PLEKHA7: variants seen among roughly 807,000 people sequenced by gnomAD.
PLEKHA7 encodes the protein pleckstrin homology domain-containing family A member 7.
PLEKHA7 carries 104 observed loss-of-function variants against 170.0 expected under a neutral mutation model. The ratio of observed to expected loss-of-function variants is 0.61; its 90% CI spans 0.52 to 0.72. The LOEUF is 0.72. Among genes scored for constraint, PLEKHA7 ranks in the 30% least tolerant of loss-of-function variants. The pLI, the probability that PLEKHA7 is intolerant of heterozygous loss-of-function variation, is 0.00. For missense variants in PLEKHA7, 1,615 were observed against 1,671.7 expected (o/e 0.97, Z 0.59); for synonymous variants, 648 against 660.8 (o/e 0.98, Z 0.30).
chr11:16,813,776 G>A (rs1333936770), intron 12 of PLEKHA7, among the ~76,000 whole-genome samples: 2 of 152,216 alleles, frequency 1.3e-5, no homozygotes, highest in Non-Finnish European at 1.5e-5. Context: ...GGAGCTACCT[G>A]AGGCAGGTGC....
chr11:16,896,284 C>T (rs921050842), intron 3 of PLEKHA7, among the ~76,000 whole-genome samples: 1 of 152,196 alleles, frequency 6.6e-6, no homozygotes, highest in African/African-American at 2.4e-5. Context: ...GTGAAGGTCA[C>T]CAAGGAGCAC....
intron 3 of PLEKHA7, among the ~76,000 whole-genome samples, chr11:16,987,745 C>T (rs970310338): frequency 5.9e-5 from 9 of 152,188 alleles, no homozygotes; most frequent in Non-Finnish European, 1.3e-4. Context: ...ACTTTCCCCA[C>T]GAAGGCTTCC....
rs1344999977 is a variant in PLEKHA7 at position 16,786,373 on chromosome 11, C to T, written c.3372G>A (p.Gln1124=). 1 of 1,536,166 alleles carries T rather than the reference C, an allele frequency of 6.5e-7. No homozygotes were observed. Among genetic ancestry groups the T allele is most frequent in the African/African-American group, 1.4e-5 (1 of 73,162 alleles). Residue 1124 remains glutamine (Q), a synonymous_variant, in exon 24 of 27, where the codon CAG becomes CAA. Transcript: ENST00000531066. The part of the protein sequence containing the change: ...PGDLGSWKRE[Q]DFDLQLLERV... ...GTTCCAGCAACTGCAGGTCAAAGTC[C>T]TGCTCACGCTTCCACTGGCAACAGA...
Position 16,871,082 on chromosome 11 carries a change from T to C in PLEKHA7, c.305+17A>G, listed in dbSNP as rs746488164. Reference sequence around the variant, plus strand: ...CCATACTCTGCCCAGATAAGGAGAATACATAAAAAGACTTACTCTTCTTGA... The same window carrying C: ...CCATACTCTGCCCAGATAAGGAGAACACATAAAAAGACTTACTCTTCTTGA... On this transcript the variant is annotated intron_variant, in intron 4 of 26. Transcript: ENST00000531066. The C allele has an allele frequency of 7.1e-6, 11 of 1,554,146 alleles. No individual in the cohort carries two copies. In the African/African-American group the frequency reaches 1.4e-4, roughly 19 times the overall value.
intron 3 of PLEKHA7, among the ~76,000 whole-genome samples, chr11:16,945,471 G>A (rs1290202706): frequency 6.6e-6 from 1 of 152,140 alleles, no homozygotes; most frequent in Non-Finnish European, 1.5e-5. Flanking sequence ...AAAAGACTGA[G>A]AGTTCCTTAA....
rs1014160291 is a variant in PLEKHA7 at position 16,992,663 on chromosome 11, G to A, written c.221+21326C>T. Reference sequence around the variant, plus strand: ...CCCAGCTACATGGGAGGCAGAGGCAGGAGAATCACTTGAACCCAGGAGGCG... The same window carrying A: ...CCCAGCTACATGGGAGGCAGAGGCAAGAGAATCACTTGAACCCAGGAGGCG... On this transcript the variant is annotated intron_variant, in intron 3 of 26. Coordinates refer to ENST00000531066, the MANE Select transcript of PLEKHA7 (RefSeq NM_001329630.2). Among the ~76,000 whole-genome samples, 4 of 151,878 alleles carry A rather than the reference G, an allele frequency of 2.6e-5. No individual in the cohort carries two copies. The East Asian group carries it at 5.8e-4, about 22-fold the overall frequency.
intron 3 of PLEKHA7, among the ~76,000 whole-genome samples, chr11:16,879,225 C>T (rs1488767118): frequency 6.6e-6 from 1 of 152,174 alleles, no homozygotes; most frequent in Non-Finnish European, 1.5e-5. Flanking sequence ...TCCTCCCTGT[C>T]CCCTCCCTTC....
At chr11:17,014,096 C>T (rs1865511828) in intron 2 of PLEKHA7, 29 bp downstream of exon 2, 1 of 1,586,394 alleles carries the variant, frequency 6.3e-7, no homozygotes. Context: ...CCGCTGCGCG[C>T]GCCCCCCACC....
At chr11:16,944,891 T>C (rs1181495796) in intron 3 of PLEKHA7, among the ~76,000 whole-genome samples, 2 of 152,254 alleles carry the variant, frequency 1.3e-5, no homozygotes, top group East Asian at 3.8e-4. Flanking sequence ...AACAATCTTA[T>C]GAAGTTCATG....
Position 16,794,550 on chromosome 11 carries a change from G to A in PLEKHA7, c.2683C>T (p.Pro895Ser). 1 of 1,613,920 alleles carries A rather than the reference G, an allele frequency of 6.2e-7. No homozygotes were observed. The highest frequency in any genetic ancestry group is 1.7e-5 in the Admixed American group (1 of 60,000). ...LQTYVPYRPH[P>S]PQLRKVTSPL... ...GATGTCACTTTCCTCAGCTGGGGTG[G>A]GTGAGGTCGGTACGGCACGTAGGTT... Residue 895 changes from proline (P) to serine (S), a missense_variant, in exon 19 of 27, where the codon CCA becomes TCA. Pro to Ser is a moderately conservative substitution (Grantham distance 74). Transcript: ENST00000531066.
chr11:16,838,411 G>A (rs1263078278), intron 9 of PLEKHA7, among the ~76,000 whole-genome samples: 1 of 151,858 alleles, frequency 6.6e-6, no homozygotes, highest in Non-Finnish European at 1.5e-5. Flanking sequence ...TACTAGGGAG[G>A]CTGACATGGG....
rs1841483299 is a variant in PLEKHA7, at chr11:16,841,714, G to A, written c.705C>T (p.His235=). 6.2e-7 allele frequency: 1 copy of A among 1,613,870 alleles called. No homozygotes were observed. The highest frequency in any genetic ancestry group is 8.5e-7 in the Non-Finnish European group (1 of 1,179,940). The part of the protein sequence containing the change: ...ISRKYSFKAV[H]TGMRALIYNS... The stretch of plus-strand genomic sequence containing the variant: ...TATAGATGAGCGCTCGCATCCCCGT[G>A]TGCACAGCCTGTAGCATGAAGGCAG... The change falls in exon 9 of 27, where the codon CAC becomes CAT. Residue 235 remains histidine, a synonymous_variant. Coordinates refer to ENST00000531066, the MANE Select transcript of PLEKHA7 (RefSeq NM_001329630.2).
chr11:16,886,733 C>T (rs61882032), intron 3 of PLEKHA7, among the ~76,000 whole-genome samples: 1,506 of 150,038 alleles, frequency 0.01, 15 homozygotes, highest in South Asian at 0.032. Flanking sequence ...AAAAAAAGCC[C>T]ACAATTACTA....
chr11:16,982,636 C>A (rs1863498906), intron 3 of PLEKHA7, among the ~76,000 whole-genome samples: 1 of 152,118 alleles, frequency 6.6e-6, no homozygotes, highest in Admixed American at 6.5e-5. Flanking sequence ...CCCAAACAAA[C>A]CAGTTCTAAA....
Position 16,786,345 on chromosome 11 carries a change from C to T in PLEKHA7, c.3400G>A (p.Val1134Ile). 1 of 1,536,160 alleles carries T rather than the reference C, an allele frequency of 6.5e-7. No individual in the cohort carries two copies. Among genetic ancestry groups the T allele is most frequent in the Non-Finnish European group, 8.7e-7 (1 of 1,146,908 alleles). Reference sequence around the variant, plus strand: ...TTGTCCTTTTTTTCCCCTTGCACGACCCGTTCCAGCAACTGCAGGTCAAAG... The same window carrying T: ...TTGTCCTTTTTTTCCCCTTGCACGATCCGTTCCAGCAACTGCAGGTCAAAG... ...QDFDLQLLER[V>I]VQGEKKDKEE... Residue 1134 changes from valine to isoleucine, a missense_variant, in exon 24 of 27, where the codon GTC (valine) becomes ATC (isoleucine). Transcript: ENST00000531066.
intron 3 of PLEKHA7, among the ~76,000 whole-genome samples, chr11:16,918,678 G>C (rs529323333): frequency 6.6e-6 from 1 of 152,194 alleles, no homozygotes; most frequent in Non-Finnish European, 1.5e-5. Context: ...GTGTAAACTG[G>C]TGTAAATGCA....
At chr11:16,861,867 A>G (rs1449350920) in intron 4 of PLEKHA7, among the ~76,000 whole-genome samples, 1 of 152,204 alleles carries the variant, frequency 6.6e-6, no homozygotes, top group Non-Finnish European at 1.5e-5. Context: ...AGAAGAGGAC[A>G]CATTCACAAA....
At chr11:16,799,946 G>T (rs905365823) in intron 17 of PLEKHA7, among the ~76,000 whole-genome samples, 14 of 152,132 alleles carry the variant, frequency 9.2e-5, no homozygotes, top group African/African-American at 3.1e-4. Flanking sequence ...AAGCCTCAGG[G>T]CCCACACACC....
intron 3 of PLEKHA7, among the ~76,000 whole-genome samples, chr11:16,900,081 C>A (rs948494773): frequency 2.0e-5 from 3 of 152,168 alleles, no homozygotes; most frequent in Non-Finnish European, 2.9e-5. Context: ...AACACAAATG[C>A]ACATAGTTAA....
Sources: allele counts gnomAD v4.1 joint callset (sites outside exome capture counted in the v4.1 genomes callset), GRCh38; gene constraint gnomAD v4.1.1; transcripts MANE v1.5; gene names NCBI Gene and HGNC (gene_info 2026-07-23, HGNC 2026-07-21).